Variants in CDK5RAP3 observed in about 807,000 individuals in gnomAD.
CDK5RAP3 encodes CDK5 regulatory subunit-associated protein 3.
Under a neutral mutation model 73.3 loss-of-function variants are expected in CDK5RAP3, and 58 were observed. The ratio of observed to expected loss-of-function variants is 0.79; its 90% CI spans 0.64 to 0.98. The LOEUF is 0.98. CDK5RAP3 is among the 50% of genes least tolerant of loss of function. The pLI is 0.00. For missense variants in CDK5RAP3, 525 were observed against 615.8 expected (o/e 0.85, Z 1.56); for synonymous variants, 224 against 247.5 (o/e 0.91, Z 0.89).
At chr17:47,975,371 C>A in intron 6 of CDK5RAP3, 34 bp downstream of exon 6, 1 of 1,608,178 alleles carries the variant, frequency 6.2e-7, no homozygotes, top group Non-Finnish European at 8.5e-7. Flanking sequence ...AGCCAGAGGA[C>A]ACCTGGGCCC....
chr17:47,975,039 C>T lies in CDK5RAP3; in HGVS notation c.335-120C>T, dbSNP rs752825327. ...TTGTCTTAGGCTCCACAGCTGGGAA[C>T]AAGTGGGGCTGGGAAGCTGACTTCG... On this transcript the variant is annotated intron_variant, in intron 5 of 13. Coordinates refer to ENST00000338399, the MANE Select transcript of CDK5RAP3 (RefSeq NM_176096.3). The T allele has an allele frequency of 4.4e-6, 7 of 1,603,796 alleles. No individual in the cohort carries two copies. In the East Asian group the frequency reaches 1.3e-4, roughly 31 times the overall value.
chr17:47,981,307 G>A lies in CDK5RAP3; in HGVS notation c.1428G>A (p.Leu476=). ...AALEPKLDLL[L]EKTKELQKLI... is the part of the protein sequence containing the mutation. ...TGGAGCCTAAGCTGGACCTGCTACT[G>A]GAGAAGACCAAGGAGCTGCAGAAGC... Residue 476 remains leucine (L), a synonymous_variant, in exon 13 of 14, where the codon CTG becomes CTA. Transcript: ENST00000338399. 6.2e-7 allele frequency: 1 copy of A among 1,614,236 alleles called. No individual in the cohort carries two copies. The highest frequency in any genetic ancestry group is 8.5e-7 in the Non-Finnish European group (1 of 1,180,028).
At chr17:47,978,567 C>T (rs1567726746) in intron 10 of CDK5RAP3, 3 of 460,836 alleles carry the variant, frequency 6.5e-6, no homozygotes, top group Non-Finnish European at 1.2e-5. Context: ...TTACCTCCTG[C>T]GGTCCACCAG....
chr17:47,978,435 A>T (rs1459513761), intron 10 of CDK5RAP3: 1 of 179,364 alleles, frequency 5.6e-6, no homozygotes, highest in African/African-American at 2.4e-5. Flanking sequence ...CATGTGGGCC[A>T]GCTGTTATGG....
intron 4 of CDK5RAP3, 176 bp from the exon 5 acceptor site, chr17:47,974,224 G>A: frequency 1.4e-6 from 1 of 723,280 alleles, no homozygotes; most frequent in Non-Finnish European, 2.4e-6. Flanking sequence ...CACTGCTTTA[G>A]GGATTGCCTG....
intron 5 of CDK5RAP3, 180 bp from the exon 6 acceptor site, chr17:47,974,979 T>C: frequency 6.8e-7 from 1 of 1,475,456 alleles, no homozygotes; most frequent in South Asian, 1.4e-5. Flanking sequence ...GTCGCTGTTT[T>C]ACCGATGAGG....
upstream of CDK5RAP3, among the ~76,000 whole-genome samples, chr17:47,969,570 A>G (rs1446939423): frequency 8.1e-6 from 1 of 123,698 alleles, no homozygotes; most frequent in South Asian, 2.7e-4. Flanking sequence ...AAAAAAAAAA[A>G]AAAAAAAAAA....
upstream of CDK5RAP3, among the ~76,000 whole-genome samples, chr17:47,969,602 G>A (rs2036225484): frequency 6.9e-6 from 1 of 144,496 alleles, no homozygotes; most frequent in Admixed American, 6.9e-5. Flanking sequence ...CATACCCAGC[G>A]CTGTGAGATC....
intron 1 of CDK5RAP3, 46 bp downstream of exon 1, chr17:47,971,198 C>T (rs1355509455): frequency 6.5e-7 from 1 of 1,532,254 alleles, no homozygotes; most frequent in Non-Finnish European, 8.8e-7. Flanking sequence ...CCGCGGACCC[C>T]TAACCTGTGT....
chr17:47,978,245 T>G (rs1184527667), intron 10 of CDK5RAP3, among the ~76,000 whole-genome samples: 1 of 151,784 alleles, frequency 6.6e-6, no homozygotes, highest in African/African-American at 2.4e-5. Context: ...AATTTTATAT[T>G]TTTTTAGTAG....
At chr17:47,978,478 GTGT>G in intron 10 of CDK5RAP3, 1 of 260,940 alleles carries the variant, frequency 3.8e-6, no homozygotes, top group Non-Finnish European at 7.4e-6. Flanking sequence ...GGGCCCTGGA[GTGT>G]GACATGACCC....
intron 10 of CDK5RAP3, chr17:47,978,531 A>G: frequency 2.7e-6 from 1 of 373,418 alleles, no homozygotes; most frequent in African/African-American, 2.1e-5. Flanking sequence ...TGTCTGAGCC[A>G]CTAGAGGGCG....
Position 47,980,585 on chromosome 17 carries a change from G to T in CDK5RAP3, c.1078-8G>T, listed in dbSNP as rs202239877. 1.9e-6 allele frequency: 3 copies of T among 1,612,106 alleles called. No homozygotes were observed. The highest frequency in any genetic ancestry group is 1.7e-5 in the Admixed American group (1 of 60,000). On this transcript the variant is annotated splice_polypyrimidine_tract_variant and splice_region_variant and intron_variant, in intron 11 of 13. Coordinates refer to ENST00000338399, the MANE Select transcript of CDK5RAP3 (RefSeq NM_176096.3). ...TACAGCCTGAACCAATCTTTCTTCT[G>T]TCCTCAGCTTGAGATCTTCTTAGCC... is the stretch of plus-strand genomic sequence containing the variant.
chr17:47,970,487 TCCTCTTC>T (rs774813918), upstream of CDK5RAP3: 418 of 630,934 alleles, frequency 6.6e-4, no homozygotes, highest in Non-Finnish European at 1.0e-3. Context: ...CACCTAAAAC[TCCTCTTC>T]CCACATCACC....
At chr17:47,971,977 G>C (rs180747198) in intron 2 of CDK5RAP3, among the ~76,000 whole-genome samples, 1 of 151,758 alleles carries the variant, frequency 6.6e-6, no homozygotes, top group Non-Finnish European at 1.5e-5. Context: ...CCTGGGCAAC[G>C]AGAGCGAAAC....
rs1337308146 is a variant in CDK5RAP3, at chr17:47,973,612, C to T, written c.146C>T (p.Pro49Leu). Reference sequence around the variant, plus strand: ...ATCAATGCTGCCATCCAGGACATGCCAGAGAGCGAAGAGATCGCCCAGCTG... The same window carrying T: ...ATCAATGCTGCCATCCAGGACATGCTAGAGAGCGAAGAGATCGCCCAGCTG... ...EKINAAIQDM[P>L]ESEEIAQLLS... The change falls in exon 3 of 14, where the codon CCA becomes CTA. Residue 49 changes from proline to leucine, a missense_variant. By Grantham distance (98) the Pro-to-Leu change is moderately conservative. Coordinates refer to ENST00000338399, the MANE Select transcript of CDK5RAP3 (RefSeq NM_176096.3). 1 of 1,613,998 alleles carries T rather than the reference C, an allele frequency of 6.2e-7. No individual in the cohort carries two copies. Among genetic ancestry groups the T allele is most frequent in the Non-Finnish European group, 8.5e-7 (1 of 1,180,042 alleles).
At chr17:47,969,577 A>G (rs1055683567), upstream of CDK5RAP3, among the ~76,000 whole-genome samples, 5 of 141,782 alleles carry the variant, frequency 3.5e-5, no homozygotes, top group Admixed American at 7.0e-5. Flanking sequence ...AAAAAAAAAA[A>G]AAAAAAAGAA....
At chr17:47,969,715 A>C (rs2036226896), upstream of CDK5RAP3, among the ~76,000 whole-genome samples, 1 of 152,138 alleles carries the variant, frequency 6.6e-6, no homozygotes, top group Non-Finnish European at 1.5e-5. Context: ...ACCACAGATT[A>C]GCCAGCTTGT....
rs898094358 is a variant in CDK5RAP3 at position 47,974,994 on chromosome 17, G to A, written c.335-165G>A. 10 of 1,532,768 alleles carry A rather than the reference G, an allele frequency of 6.5e-6. No individual in the cohort carries two copies. The African/African-American group carries it at 1.2e-4, about 19-fold the overall frequency. 94.9% of individuals were successfully genotyped at this position (1,532,768 alleles called of 1,614,324 possible). A position where few individuals can be genotyped will look rare whatever the true frequency, so the allele number is the denominator to read the frequency against. On this transcript the variant is annotated intron_variant, in intron 5 of 13. Coordinates refer to ENST00000338399, the MANE Select transcript of CDK5RAP3 (RefSeq NM_176096.3). ...GTCGCTGTTTTACCGATGAGGGTTG[G>A]ATTAGAGGGGTTAAACAACTTGTCT... is the stretch of plus-strand genomic sequence containing the variant.
Sources: gnomAD v4.1 joint callset for allele counts (sites outside exome capture counted in the v4.1 genomes callset) on GRCh38, gnomAD v4.1.1 for gene constraint, MANE v1.5 for transcripts, NCBI Gene and HGNC (gene_info 2026-07-23, HGNC 2026-07-21) for gene names.